Variants in SEC24A observed in about 807,000 individuals in gnomAD.
SEC24A encodes the protein protein transport protein Sec24A.
SEC24A carries 93 observed loss-of-function variants against 129.4 expected under a neutral mutation model. The observed-to-expected ratio is 0.72, with a 90% CI of 0.61 to 0.85. The LOEUF is 0.85. Among genes scored for constraint, SEC24A ranks in the 40% least tolerant of loss-of-function variants. SEC24A has a pLI of 0.00. For synonymous variants in SEC24A, 460 were observed against 467.3 expected, an observed-to-expected ratio of 0.98 and a Z score of 0.20; for missense variants, 1,264 against 1,307.4, an observed-to-expected ratio of 0.97 and a Z score of 0.51.
intron 3 of SEC24A, among the ~76,000 whole-genome samples, chr5:134,670,728 G>A (rs191834640): frequency 2.4e-3 from 361 of 152,262 alleles, no homozygotes; most frequent in Non-Finnish European, 4.0e-3. Context: ...GGTGGCTCAT[G>A]CCTGTAATCC....
Position 134,674,996 on chromosome 5 carries a change from C to T in SEC24A, c.979-49C>T. ...TTATTTACAGAGAAATTAACCACTT[C>T]CCTACACACTTAATAAAAGTTACTT... On this transcript the variant is annotated intron_variant, in intron 5 of 22. Coordinates refer to ENST00000398844, the MANE Select transcript of SEC24A (RefSeq NM_021982.3). The T allele has an allele frequency of 3.5e-6, 5 of 1,440,682 alleles. 1 individual carries two copies. The highest frequency in any genetic ancestry group is 4.7e-6 in the Non-Finnish European group (5 of 1,063,202). The allele number at this position is 1,440,682 out of a possible 1,614,324, so 89.2% of individuals were successfully genotyped here.
chr5:134,694,081 G>T, intron 13 of SEC24A, 148 bp downstream of exon 13: 1 of 671,954 alleles, frequency 1.5e-6, no homozygotes, highest in Non-Finnish European at 2.5e-6. Flanking sequence ...TTTTTATTTT[G>T]TTACATTTTT....
chr5:134,717,119 T>C (rs1013961311), intron 19 of SEC24A, among the ~76,000 whole-genome samples: 1 of 151,894 alleles, frequency 6.6e-6, no homozygotes, highest in African/African-American at 2.4e-5. Flanking sequence ...CCTCAAGTGA[T>C]CCACCCGCCT....
intron 1 of SEC24A, among the ~76,000 whole-genome samples, chr5:134,652,723 G>A (rs1261330702): frequency 1.3e-5 from 2 of 152,178 alleles, no homozygotes; most frequent in East Asian, 1.9e-4. Context: ...GAGTAGCTGG[G>A]GTTACAGGCA....
intron 11 of SEC24A, among the ~76,000 whole-genome samples, chr5:134,691,367 C>T (rs2150095680): frequency 6.7e-6 from 1 of 150,092 alleles, no homozygotes; most frequent in Non-Finnish European, 1.5e-5. Flanking sequence ...CAGGGTTTCA[C>T]CATCTTGGCC....
intron 4 of SEC24A, among the ~76,000 whole-genome samples, chr5:134,673,995 TG>T (rs1422873728): frequency 6.6e-6 from 1 of 151,926 alleles, no homozygotes; most frequent in Non-Finnish European, 1.5e-5. Context: ...TTAGGTGGTG[TG>T]GTGGCACACA....
chr5:134,684,100 C>T (rs1751366340), intron 9 of SEC24A, among the ~76,000 whole-genome samples: 1 of 151,794 alleles, frequency 6.6e-6, no homozygotes, highest in Admixed American at 6.6e-5. Flanking sequence ...GTCAGGAGTT[C>T]GAGACCAGCC....
intron 15 of SEC24A, among the ~76,000 whole-genome samples, chr5:134,700,569 A>C (rs1458883997): frequency 1.3e-5 from 2 of 151,596 alleles, no homozygotes; most frequent in Non-Finnish European, 2.9e-5. Context: ...TCTATAACAA[A>C]AAAAAAAAGA....
At chr5:134,691,566 T>C (rs910432204) in intron 11 of SEC24A, among the ~76,000 whole-genome samples, 8 of 147,192 alleles carry the variant, frequency 5.4e-5, no homozygotes, top group Non-Finnish European at 1.2e-4. Flanking sequence ...GCAGTGGCAC[T>C]ATCTCGGCTC....
At chr5:134,722,612 C>T (rs536522782) in intron 21 of SEC24A, among the ~76,000 whole-genome samples, 1 of 152,024 alleles carries the variant, frequency 6.6e-6, no homozygotes, top group East Asian at 1.9e-4. Context: ...AAAACAATGG[C>T]AAAGTTAAGT....
chr5:134,686,452 G>A (rs1288681423), intron 9 of SEC24A, among the ~76,000 whole-genome samples: 1 of 152,108 alleles, frequency 6.6e-6, no homozygotes, highest in Non-Finnish European at 1.5e-5. Flanking sequence ...GGTCACGCTG[G>A]TCTCGAACTC....
intron 22 of SEC24A, among the ~76,000 whole-genome samples, chr5:134,724,493 C>A (rs1580747389): frequency 1.3e-5 from 2 of 151,590 alleles, no homozygotes; most frequent in Non-Finnish European, 1.5e-5. Flanking sequence ...GAGGCTGAGG[C>A]AGGAGAATAG....
At chr5:134,655,548 C>G (rs1046070906) in intron 1 of SEC24A, among the ~76,000 whole-genome samples, 1 of 150,962 alleles carries the variant, frequency 6.6e-6, no homozygotes, top group Non-Finnish European at 1.5e-5. Flanking sequence ...ACTCAGGAGG[C>G]CTCAGCCTCC....
intron 2 of SEC24A, among the ~76,000 whole-genome samples, chr5:134,662,058 C>T (rs893544864): frequency 3.3e-5 from 5 of 151,698 alleles, no homozygotes; most frequent in Admixed American, 2.6e-4. Context: ...CTTGAACTCC[C>T]GACCTCAGGT....
chr5:134,667,162 A>T (rs750361643), intron 3 of SEC24A, among the ~76,000 whole-genome samples, 166 bp downstream of exon 3: 1 of 152,074 alleles, frequency 6.6e-6, no homozygotes, highest in Non-Finnish European at 1.5e-5. Flanking sequence ...CAGGAATTCC[A>T]TTGCCATCCG....
intron 4 of SEC24A, among the ~76,000 whole-genome samples, chr5:134,672,430 T>A (rs1208026913): frequency 6.6e-6 from 1 of 152,050 alleles, no homozygotes; most frequent in Non-Finnish European, 1.5e-5. Flanking sequence ...TCAAGTGATC[T>A]GCCCGCCTCG....
At chr5:134,707,338 T>A (rs1752194273) in intron 17 of SEC24A, among the ~76,000 whole-genome samples, 1 of 151,744 alleles carries the variant, frequency 6.6e-6, no homozygotes. Context: ...TTTATTTATT[T>A]TTTTTTTTTG....
Position 134,688,229 on chromosome 5 carries a change from T to C in SEC24A, c.1653T>C (p.Ser551=), listed in dbSNP as rs777537321. 1 of 1,613,448 alleles carries C rather than the reference T, an allele frequency of 6.2e-7. No individual in the cohort carries two copies. The change falls in exon 11 of 23, where the codon AGT becomes AGC. Residue 551 remains serine, a synonymous_variant. Transcript: ENST00000398844. Reference sequence around the variant, plus strand: ...AAATTGGCTTCATAACATTTGACAGTACAATCCATTTCTACGGTCTTCAGG... The same window carrying C: ...AAATTGGCTTCATAACATTTGACAGCACAATCCATTTCTACGGTCTTCAGG... ...RTKIGFITFD[S]TIHFYGLQES...
At chr5:134,707,618 C>T (rs1239240752) in intron 17 of SEC24A, among the ~76,000 whole-genome samples, 3 of 152,076 alleles carry the variant, frequency 2.0e-5, no homozygotes, top group Admixed American at 6.6e-5. Flanking sequence ...CGTGAGCCAC[C>T]GCGCCTGGCC....
Sources: gnomAD v4.1 joint callset for allele counts (sites outside exome capture counted in the v4.1 genomes callset) on GRCh38, gnomAD v4.1.1 for gene constraint, MANE v1.5 for transcripts, NCBI Gene and HGNC (gene_info 2026-07-23, HGNC 2026-07-21) for gene names.